Variants in RGS8 observed in about 807,000 individuals in gnomAD.
RGS8 encodes regulator of G-protein signaling 8.
RGS8 carries 8 observed loss-of-function variants against 21.7 expected under a neutral mutation model. The observed-to-expected ratio is 0.37, with a 90% CI of 0.22 to 0.66. The LOEUF (loss-of-function observed/expected upper bound fraction) is 0.66. RGS8 is among the 30% of genes least tolerant of loss of function. The pLI, the probability that RGS8 is intolerant of heterozygous loss-of-function variation, is 0.59. For missense variants in RGS8, 157 were observed against 217.9 expected (o/e 0.72, Z 1.76); for synonymous variants, 80 against 83.6 (o/e 0.96, Z 0.24).
At chr1:182,676,553 A>T (rs1337206747), upstream of RGS8, among the ~76,000 whole-genome samples, 1 of 152,198 alleles carries the variant, frequency 6.6e-6, no homozygotes, top group Non-Finnish European at 1.5e-5. Flanking sequence ...CCAAAATTCT[A>T]CTTTAAAAAA....
In RGS8 at chr1:182,669,517, C is replaced by A. The variant is rs186547031; in HGVS notation, c.26+107G>T. ...TATGGGGACAGATGAAAGTAGACCA[C>A]GCATGGGCTCAGAAGGCTTGGGCCA... On this transcript the variant is annotated intron_variant, in intron 3 of 6. Coordinates refer to ENST00000483095, the Ensembl canonical transcript of RGS8. 68 of 1,521,010 alleles carry A rather than the reference C, an allele frequency of 4.5e-5. No individual in the cohort carries two copies. In the East Asian group the frequency reaches 1.2e-3, roughly 26 times the overall value. The allele number at this position is 1,521,010 out of a possible 1,614,324, so 94.2% of individuals were successfully genotyped here.
At chr1:182,669,560 G>T (rs1664048268) in intron 3 of RGS8, 64 bp downstream of exon 4, 1 of 1,610,940 alleles carries the variant, frequency 6.2e-7, no homozygotes, top group African/African-American at 1.3e-5. Context: ...ATAACAGAGG[G>T]TGTGACAAGG....
At chr1:182,748,789 T>C in the RGS8 span, among the ~76,000 whole-genome samples, 2 of 152,224 alleles carry the variant, frequency 1.3e-5, no homozygotes, top group Non-Finnish European at 2.9e-5. Flanking sequence ...TTTTTTATAC[T>C]GTTCATTCTA....
chr1:182,648,841 C>T (rs1315741925), intron 5 of RGS8, among the ~76,000 whole-genome samples: 2 of 152,166 alleles, frequency 1.3e-5, no homozygotes, highest in African/African-American at 4.8e-5. Flanking sequence ...TGTCTCATGC[C>T]TGTAATCCCA....
the RGS8 span, among the ~76,000 whole-genome samples, chr1:182,742,663 G>A: frequency 4.6e-5 from 7 of 152,204 alleles, no homozygotes; most frequent in African/African-American, 7.2e-5. Context: ...CAGGCAGGGA[G>A]GTTGCAGTGA....
chr1:182,714,838 C>T, the RGS8 span, among the ~76,000 whole-genome samples: 2 of 152,186 alleles, frequency 1.3e-5, no homozygotes, highest in African/African-American at 4.8e-5. Flanking sequence ...AGAAGCCAAA[C>T]ATCCAGATCA....
chr1:182,743,441 A>G, the RGS8 span, among the ~76,000 whole-genome samples: 2 of 152,174 alleles, frequency 1.3e-5, no homozygotes, highest in Admixed American at 6.5e-5. Context: ...GCATCAAACA[A>G]GATAGAGGTT....
In RGS8 at chr1:182,646,935, G is replaced by A. The variant is rs1450381184; in HGVS notation, c.361-18C>T. On this transcript the variant is annotated intron_variant, in intron 6 of 6. Transcript: ENST00000483095. Reference sequence around the variant, plus strand: ...ATGTTTACCTAGAGATACAAACAGAGAGCAAGGTCACAGGCCCTCAAGGGC... The same window carrying A: ...ATGTTTACCTAGAGATACAAACAGAAAGCAAGGTCACAGGCCCTCAAGGGC... 3.1e-6 allele frequency: 5 copies of A among 1,607,554 alleles called. No homozygotes were observed. The highest frequency in any genetic ancestry group is 1.3e-5 in the African/African-American group (1 of 74,592).
chr1:182,650,712 T>A (rs910574299), intron 5 of RGS8, among the ~76,000 whole-genome samples: 3 of 152,262 alleles, frequency 2.0e-5, no homozygotes, highest in African/African-American at 7.2e-5. Context: ...AATACAAAAA[T>A]TAGCCAGCTG....
the RGS8 span, among the ~76,000 whole-genome samples, chr1:182,721,628 G>A: frequency 6.6e-6 from 1 of 152,134 alleles, no homozygotes; most frequent in South Asian, 2.1e-4. Flanking sequence ...GCTTTTCTAT[G>A]TATCTATTGG....
At chr1:182,724,213 T>G in the RGS8 span, among the ~76,000 whole-genome samples, 1 of 91,782 alleles carries the variant, frequency 1.1e-5, no homozygotes, top group Admixed American at 9.8e-5. Flanking sequence ...TATATATATA[T>G]ATATATATAT....
the RGS8 span, among the ~76,000 whole-genome samples, chr1:182,745,227 C>T: frequency 6.6e-6 from 1 of 152,174 alleles, no homozygotes; most frequent in Non-Finnish European, 1.5e-5. Context: ...TTAATTGTGA[C>T]ATTTTGACAG....
At chr1:182,742,224 G>T in the RGS8 span, among the ~76,000 whole-genome samples, 20 of 149,914 alleles carry the variant, frequency 1.3e-4, no homozygotes, top group South Asian at 8.5e-4. Flanking sequence ...ATGGGATGGC[G>T]GCCGGGCAGA....
chr1:182,742,201 C>T, the RGS8 span, among the ~76,000 whole-genome samples: 20 of 149,466 alleles, frequency 1.3e-4, no homozygotes, highest in African/African-American at 4.9e-4. Context: ...AAGAGGCGCT[C>T]CTCACTTCCT....
chr1:182,712,539 A>G, the RGS8 span, among the ~76,000 whole-genome samples: 10 of 152,230 alleles, frequency 6.6e-5, no homozygotes, highest in Non-Finnish European at 1.5e-4. Context: ...TTGGAACACC[A>G]TATGAACAGT....
upstream of RGS8, among the ~76,000 whole-genome samples, chr1:182,677,624 G>A (rs1664406869): frequency 6.6e-6 from 1 of 152,170 alleles, no homozygotes; most frequent in African/African-American, 2.4e-5. Flanking sequence ...GTGGCTGGGG[G>A]TTACGTAAGT....
At chr1:182,654,793 C>T (rs1456103674) in intron 5 of RGS8, among the ~76,000 whole-genome samples, 1 of 152,094 alleles carries the variant, frequency 6.6e-6, no homozygotes, top group East Asian at 1.9e-4. Context: ...GGAGCAAGAA[C>T]TTTTAATTTG....
At chr1:182,647,601 G>A (rs1378020450) in intron 6 of RGS8, among the ~76,000 whole-genome samples, 3 of 152,136 alleles carry the variant, frequency 2.0e-5, no homozygotes, top group African/African-American at 2.4e-5. Context: ...TTACAAATAA[G>A]TATAATTAAA....
upstream of RGS8, among the ~76,000 whole-genome samples, chr1:182,675,357 A>T (rs985138670): frequency 6.6e-6 from 1 of 152,140 alleles, no homozygotes; most frequent in African/African-American, 2.4e-5. Context: ...ATGAGAGGTT[A>T]TTCAACCCCC....
Sources: gnomAD v4.1 joint callset for allele counts (sites outside exome capture counted in the v4.1 genomes callset) on GRCh38, gnomAD v4.1.1 for gene constraint, MANE v1.5 for transcripts, NCBI Gene and HGNC (gene_info 2026-07-23, HGNC 2026-07-21) for gene names.